FRMD6: variants seen among roughly 807,000 people sequenced by gnomAD.
The protein encoded by FRMD6 is FERM domain containing 6.
In FRMD6, 37 loss-of-function variants were observed where a neutral mutation model predicts 73.2. The ratio of observed to expected loss-of-function variants is 0.51; its 90% CI spans 0.39 to 0.66. The LOEUF (loss-of-function observed/expected upper bound fraction) is 0.66. FRMD6 is among the 30% of genes least tolerant of loss of function. FRMD6 has a pLI of 0.00. For synonymous variants in FRMD6, 273 were observed against 282.2 expected (o/e 0.97, Z 0.33); for missense variants, 714 against 780.5 (o/e 0.91, Z 1.02).
chr14:51,667,962 A>G (rs1010885270), intron 1 of FRMD6, among the ~76,000 whole-genome samples: 1 of 152,210 alleles, frequency 6.6e-6, no homozygotes, highest in African/African-American at 2.4e-5. Context: ...AGAAATTTTC[A>G]TGAAATATAA....
At chr14:51,413,308 C>A in the FRMD6 span, among the ~76,000 whole-genome samples, 1 of 152,200 alleles carries the variant, frequency 6.6e-6, no homozygotes, top group Non-Finnish European at 1.5e-5. Flanking sequence ...ATCCCTCCCC[C>A]TGCTCCCAAA....
At chr14:51,511,120 A>C (rs750074983) in intron 1 of FRMD6, among the ~76,000 whole-genome samples, 3 of 152,168 alleles carry the variant, frequency 2.0e-5, no homozygotes, top group Non-Finnish European at 4.4e-5. Flanking sequence ...CCCAGTGGCT[A>C]TTACTAGATA....
chr14:51,710,726 A>T (rs891335574), intron 7 of FRMD6, among the ~76,000 whole-genome samples: 4 of 152,222 alleles, frequency 2.6e-5, no homozygotes, highest in Non-Finnish European at 5.9e-5. Context: ...GGGAAATCTC[A>T]TAATGAAAAT....
intron 10 of FRMD6, among the ~76,000 whole-genome samples, chr14:51,718,029 T>TA (rs1274844305): frequency 6.6e-6 from 1 of 152,058 alleles, no homozygotes; most frequent in Non-Finnish European, 1.5e-5. Context: ...ACAGAGGGAG[T>TA]AAAAAGAGCA....
chr14:51,467,128 T>A, the FRMD6 span, among the ~76,000 whole-genome samples: 1 of 152,182 alleles, frequency 6.6e-6, no homozygotes, highest in Non-Finnish European at 1.5e-5. Context: ...TCCGCAGTGT[T>A]TGTGTCCCTG....
chr14:51,534,464 A>T (rs183594170), intron 1 of FRMD6, among the ~76,000 whole-genome samples: 1 of 152,344 alleles, frequency 6.6e-6, no homozygotes, highest in Admixed American at 6.5e-5. Context: ...TCTTTTGGAT[A>T]CAATCCTAGA....
rs573498491 is a variant in FRMD6, at chr14:51,615,352, G to A, written c.-147+44942G>A. 3.9e-5 allele frequency among the ~76,000 whole-genome samples: 6 copies of A among 152,296 alleles called. No homozygotes were observed. The East Asian group carries it at 1.2e-3, about 29-fold the overall frequency. ...CATTATTGTCGGAGTTATGGCCTTA[G>A]AAAGTATGGAGATGCTAATGAGAAG... On this transcript the variant is annotated intron_variant, in intron 2 of 14. Coordinates refer to the FRMD6 transcript ENST00000356218.
At chr14:51,704,213 C>A (rs967745186) in intron 5 of FRMD6, among the ~76,000 whole-genome samples, 4 of 151,966 alleles carry the variant, frequency 2.6e-5, no homozygotes, top group African/African-American at 9.7e-5. Context: ...GGAAAAGAAA[C>A]CTTTGTTAAG....
At chr14:51,533,056 A>G (rs920785185) in intron 1 of FRMD6, among the ~76,000 whole-genome samples, 1 of 152,206 alleles carries the variant, frequency 6.6e-6, no homozygotes, top group Admixed American at 6.5e-5. Flanking sequence ...TACAACCAAT[A>G]ATGGTCTCTG....
At chr14:51,643,252 A>G (rs1049076570) in intron 2 of FRMD6, among the ~76,000 whole-genome samples, 1 of 152,186 alleles carries the variant, frequency 6.6e-6, no homozygotes, top group Non-Finnish European at 1.5e-5. Context: ...TCGGTTGACC[A>G]TTGAGAGTGG....
rs1175671506 is a variant in FRMD6, at chr14:51,645,788, T to C, written c.-146-43903T>C. 2.6e-5 allele frequency among the ~76,000 whole-genome samples: 4 copies of C among 152,218 alleles called. No individual in the cohort carries two copies. In the East Asian group the frequency reaches 7.8e-4, roughly 30 times the overall value. Reference sequence around the variant, plus strand: ...TTGTACTTTTACTCATGATTCTTTCTTAAGCAATCAAAAACAAGTTCAAAG... The same window carrying C: ...TTGTACTTTTACTCATGATTCTTTCCTAAGCAATCAAAAACAAGTTCAAAG... On this transcript the variant is annotated intron_variant, in intron 2 of 14. Transcript: ENST00000356218.
intron 2 of FRMD6, among the ~76,000 whole-genome samples, chr14:51,641,460 A>G (rs145597453): frequency 2.6e-5 from 4 of 152,258 alleles, no homozygotes; most frequent in Admixed American, 2.0e-4. Flanking sequence ...TTCCCCTCAA[A>G]ATCTCTACAT....
At chr14:51,634,886 A>G (rs1891488670) in intron 2 of FRMD6, among the ~76,000 whole-genome samples, 1 of 152,176 alleles carries the variant, frequency 6.6e-6, no homozygotes, top group Admixed American at 6.5e-5. Context: ...TATTTTTTCC[A>G]GGTCTAAAAT....
intron 1 of FRMD6, among the ~76,000 whole-genome samples, chr14:51,490,289 T>G (rs890499577): frequency 1.3e-5 from 2 of 152,268 alleles, no homozygotes; most frequent in African/African-American, 4.8e-5. Context: ...AAGCTACTTA[T>G]GAACTGTGTC....
intron 1 of FRMD6, among the ~76,000 whole-genome samples, chr14:51,525,526 G>A (rs539979440): frequency 2.2e-3 from 341 of 152,016 alleles, no homozygotes; most frequent in Non-Finnish European, 3.6e-3. Flanking sequence ...CTTGTGATCC[G>A]CCTGCCTCAG....
chr14:51,690,059 G>A (rs1193116604), intron 2 of FRMD6, 124 bp downstream of exon 2: 19 of 721,538 alleles, frequency 2.6e-5, no homozygotes, highest in South Asian at 2.4e-4. Flanking sequence ...TGGCAGAATT[G>A]GGTTGTCAAA....
chr14:51,707,339 C>T (rs1435270522), intron 6 of FRMD6, among the ~76,000 whole-genome samples: 1 of 152,090 alleles, frequency 6.6e-6, no homozygotes, highest in Non-Finnish European at 1.5e-5. Flanking sequence ...TTATTTTAAG[C>T]ACGACTCTTG....
At position 51,507,036 on chromosome 14, in the gene FRMD6, C is replaced by T. The variant is rs181678320; in HGVS notation, c.-210+17616C>T. ...TTCCCAGTTGATGGTTTCTTTACACCGTTCTATATTTTCTGAATTTTTGAA... is the reference window on the plus strand; with the variant it reads ...TTCCCAGTTGATGGTTTCTTTACACTGTTCTATATTTTCTGAATTTTTGAA... On this transcript the variant is annotated intron_variant, in intron 1 of 14. Coordinates refer to the FRMD6 transcript ENST00000356218. Among the ~76,000 whole-genome samples, 9 of 148,662 alleles carry T rather than the reference C, an allele frequency of 6.1e-5. No homozygotes were observed. The East Asian group carries it at 1.4e-3, about 24-fold the overall frequency.
intron 1 of FRMD6, among the ~76,000 whole-genome samples, chr14:51,527,119 C>G (rs1390841827): frequency 1.3e-5 from 2 of 152,268 alleles, no homozygotes; most frequent in African/African-American, 4.8e-5. Context: ...TTAAATAACA[C>G]TTGCCATGAT....
Sources: allele counts gnomAD v4.1 joint callset (sites outside exome capture counted in the v4.1 genomes callset), GRCh38; gene constraint gnomAD v4.1.1; transcripts MANE v1.5; gene names NCBI Gene and HGNC (gene_info 2026-07-23, HGNC 2026-07-21).